Variants in ZBTB7C observed in about 807,000 individuals in gnomAD.
The protein encoded by ZBTB7C is zinc finger and BTB domain containing 7C.
In ZBTB7C, 8 loss-of-function variants were observed where a neutral mutation model predicts 25.7. The observed-to-expected ratio is 0.31, with a 90% CI of 0.18 to 0.56. The LOEUF is 0.56. Among genes scored for constraint, ZBTB7C ranks in the 20% least tolerant of loss-of-function variants. ZBTB7C has a pLI of 0.91. For synonymous variants in ZBTB7C, 394 were observed against 369.0 expected (o/e 1.07, Z -0.78); for missense variants, 824 against 855.2 (o/e 0.96, Z 0.46).
chr18:48,193,902 C>A (rs4939754), intron 2 of ZBTB7C, among the ~76,000 whole-genome samples: 18,432 of 152,276 alleles, frequency 0.12, 1,509 homozygotes, highest in Non-Finnish European at 0.18. Context: ...TGCCACCTAG[C>A]CAGCAGGGCA....
chr18:48,087,086 G>A (rs2038219352), intron 3 of ZBTB7C, among the ~76,000 whole-genome samples: 1 of 152,204 alleles, frequency 6.6e-6, no homozygotes, highest in Non-Finnish European at 1.5e-5. Flanking sequence ...CCAGGATTGT[G>A]CACATAGTTA....
chr18:48,218,070 C>A (rs2042866880), intron 2 of ZBTB7C, among the ~76,000 whole-genome samples: 1 of 152,140 alleles, frequency 6.6e-6, no homozygotes, highest in South Asian at 2.1e-4. Context: ...GCCCTACCTG[C>A]ACCTGCAAGT....
chr18:48,224,017 A>T (rs2043024876), intron 2 of ZBTB7C, among the ~76,000 whole-genome samples: 1 of 152,216 alleles, frequency 6.6e-6, no homozygotes, highest in African/African-American at 2.4e-5. Context: ...GACTACAAAG[A>T]TGCTGAAGAT....
chr18:48,255,878 G>A (rs1000926122), intron 2 of ZBTB7C, among the ~76,000 whole-genome samples: 4 of 152,092 alleles, frequency 2.6e-5, no homozygotes, highest in African/African-American at 9.7e-5. Flanking sequence ...ATAAGATTTT[G>A]TTCCCTCCAC....
chr18:48,172,288 C>T (rs192567691), intron 3 of ZBTB7C, among the ~76,000 whole-genome samples: 12 of 152,338 alleles, frequency 7.9e-5, no homozygotes, highest in Admixed American at 2.0e-4. Context: ...CAGGGGCTTC[C>T]CAGTGCCCTT....
chr18:48,118,299 G>A (rs2039514279), intron 3 of ZBTB7C, among the ~76,000 whole-genome samples: 3 of 152,048 alleles, frequency 2.0e-5, no homozygotes, highest in African/African-American at 4.8e-5. Flanking sequence ...AGCCACTGCC[G>A]CTAGCCTGAT....
intron 2 of ZBTB7C, chr18:48,252,977 G>A (rs753120111): frequency 1.3e-5 from 2 of 152,218 alleles, no homozygotes; most frequent in Non-Finnish European, 2.9e-5. Flanking sequence ...CAGTTTAGAG[G>A]AAGACATACA....
At chr18:48,236,038 T>C (rs2043369954) in intron 2 of ZBTB7C, among the ~76,000 whole-genome samples, 1 of 152,250 alleles carries the variant, frequency 6.6e-6, no homozygotes, top group Non-Finnish European at 1.5e-5. Context: ...ACTACTCTTT[T>C]ACCTTTAAGA....
At chr18:48,249,230 T>C (rs750196537) in intron 2 of ZBTB7C, among the ~76,000 whole-genome samples, 1 of 152,138 alleles carries the variant, frequency 6.6e-6, no homozygotes, top group South Asian at 2.1e-4. Flanking sequence ...CATATACATG[T>C]CTGTGTCCTT....
intron 3 of ZBTB7C, among the ~76,000 whole-genome samples, chr18:48,043,751 G>A (rs1434713881): frequency 2.0e-5 from 3 of 152,204 alleles, no homozygotes; most frequent in Admixed American, 2.0e-4. Flanking sequence ...GGGTACATGA[G>A]ATGTCTCTGT....
intron 3 of ZBTB7C, among the ~76,000 whole-genome samples, chr18:48,059,383 A>G (rs983260486): frequency 2.0e-5 from 3 of 152,164 alleles, no homozygotes; most frequent in African/African-American, 7.2e-5. Flanking sequence ...GCTCCAGCAC[A>G]CACACATGCT....
chr18:48,158,915 G>A (rs1364961368), intron 3 of ZBTB7C, among the ~76,000 whole-genome samples: 2 of 152,196 alleles, frequency 1.3e-5, no homozygotes, highest in African/African-American at 4.8e-5. Flanking sequence ...GAAGCTGAAG[G>A]CAAATTCCTG....
chr18:48,276,111 G>C (rs528780126), intron 2 of ZBTB7C, among the ~76,000 whole-genome samples: 3 of 151,994 alleles, frequency 2.0e-5, no homozygotes, highest in Non-Finnish European at 4.4e-5. Flanking sequence ...CAGTAAAAAG[G>C]CCTCAGATTT....
chr18:48,228,051 C>T (rs538918984), intron 2 of ZBTB7C, among the ~76,000 whole-genome samples: 15 of 152,290 alleles, frequency 9.8e-5, no homozygotes, highest in African/African-American at 3.6e-4. Flanking sequence ...GGAGAGGCCG[C>T]CCCACCTGGA....
intron 1 of ZBTB7C, among the ~76,000 whole-genome samples, chr18:48,340,040 A>C (rs1290865032): frequency 1.3e-5 from 2 of 152,216 alleles, no homozygotes; most frequent in African/African-American, 4.8e-5. Flanking sequence ...GCACATATAC[A>C]TTTCATATAC....
intron 2 of ZBTB7C, among the ~76,000 whole-genome samples, chr18:48,294,056 A>G (rs2045316029): frequency 6.6e-6 from 1 of 152,206 alleles, no homozygotes. Flanking sequence ...AGTCATTAGC[A>G]CGAATGCGGT....
At chr18:48,182,278 G>C (rs1241978475) in intron 3 of ZBTB7C, among the ~76,000 whole-genome samples, 2 of 152,186 alleles carry the variant, frequency 1.3e-5, no homozygotes, top group Non-Finnish European at 2.9e-5. Context: ...ACCTGAGAGA[G>C]AGTGTAAACA....
At chr18:48,409,184 C>CCCGGCAG (rs1404463980) in intron 1 of ZBTB7C, 42 bp downstream of exon 1, 23 of 149,548 alleles carry the variant, frequency 1.5e-4, no homozygotes, top group African/African-American at 5.4e-4. Context: ...AGATCGCGAC[C>CCCGGCAG]CCGGCAGCCG....
chr18:48,043,087 A>G (rs945372539), intron 3 of ZBTB7C, among the ~76,000 whole-genome samples: 6 of 152,192 alleles, frequency 3.9e-5, no homozygotes, highest in Non-Finnish European at 2.9e-5. Flanking sequence ...TACTGATAAC[A>G]CCGAATGCTG....
Sources: allele counts gnomAD v4.1 joint callset (sites outside exome capture counted in the v4.1 genomes callset), GRCh38; gene constraint gnomAD v4.1.1; transcripts MANE v1.5; gene names NCBI Gene and HGNC (gene_info 2026-07-23, HGNC 2026-07-21).